Variants in ARL15 observed in about 807,000 individuals in gnomAD.
The protein encoded by ARL15 is ARF like GTPase 15.
A neutral mutation model predicts 25.2 loss-of-function variants in ARL15; 19 were observed. That is an observed-to-expected ratio of 0.75 (90% CI 0.53 to 1.10). ARL15 has a LOEUF of 1.10. Ranked by LOEUF, ARL15 falls within the 50% of genes least tolerant of loss-of-function variation. ARL15 has a pLI of 0.00. For synonymous variants in ARL15, 94 were observed against 86.8 expected (o/e 1.08, Z -0.46); for missense variants, 220 against 246.0 (o/e 0.89, Z 0.71).
chr5:54,207,524 C>T (rs376668108), intron 1 of ARL15, among the ~76,000 whole-genome samples: 18 of 152,316 alleles, frequency 1.2e-4, no homozygotes, highest in East Asian at 3.9e-4. Flanking sequence ...AGGTTGAATA[C>T]AGTCATTTAG....
intron 3 of ARL15, among the ~76,000 whole-genome samples, chr5:54,118,695 A>C (rs1752983087): frequency 6.6e-6 from 1 of 152,174 alleles, no homozygotes; most frequent in Non-Finnish European, 1.5e-5. Flanking sequence ...GGCAATCTCA[A>C]AACTAAGAGG....
chr5:53,963,594 G>A (rs1185728669), intron 4 of ARL15, among the ~76,000 whole-genome samples: 6 of 152,144 alleles, frequency 3.9e-5, no homozygotes, highest in Non-Finnish European at 1.5e-5. Context: ...CATCACCTGA[G>A]GTCAGGAGTT....
chr5:53,907,137 T>TA (rs1462982413), intron 4 of ARL15, among the ~76,000 whole-genome samples: 6 of 152,052 alleles, frequency 3.9e-5, no homozygotes, highest in Non-Finnish European at 4.4e-5. Flanking sequence ...TACAGCTTCC[T>TA]AGCAGGGGAC....
chr5:53,968,595 A>G lies in ARL15; in HGVS notation c.463-81882T>C, dbSNP rs1467448716. 3.3e-5 allele frequency among the ~76,000 whole-genome samples: 5 copies of G among 152,144 alleles called. No individual in the cohort carries two copies. In the East Asian group the frequency reaches 7.8e-4, roughly 24 times the overall value. On this transcript the variant is annotated intron_variant, in intron 4 of 4. Transcript: ENST00000504924. ...GTAAGCTGCTGTGTCCTACTCAATT[A>G]GCAGCATCCTAGTGATCTGAAGGAC...
At chr5:54,114,424 C>CAAAAAAAAAAAAAAAA (rs1378276588) in intron 3 of ARL15, among the ~76,000 whole-genome samples, 2 of 32,206 alleles carry the variant, frequency 6.2e-5, no homozygotes, top group African/African-American at 1.3e-4. Flanking sequence ...AAAAAAAAAG[C>CAAAAAAAAAAAAAAAA]AACACCACAT....
chr5:54,160,387 T>C (rs921040872), intron 2 of ARL15, among the ~76,000 whole-genome samples: 4 of 152,344 alleles, frequency 2.6e-5, no homozygotes, highest in Middle Eastern at 3.4e-3. Context: ...CCCTAGAAGA[T>C]GTTTTCAACC....
intron 4 of ARL15, among the ~76,000 whole-genome samples, chr5:53,929,185 AAT>A (rs1491006939): frequency 1.5e-5 from 2 of 135,800 alleles, no homozygotes; most frequent in African/African-American, 2.7e-5. Context: ...AAAAAAAAAA[AAT>A]ACATAAAAGC....
intron 4 of ARL15, among the ~76,000 whole-genome samples, chr5:53,932,790 G>A (rs1167650638): frequency 6.6e-6 from 1 of 152,212 alleles, no homozygotes; most frequent in Non-Finnish European, 1.5e-5. Flanking sequence ...AGCAGGCCAA[G>A]GGAATAGAGA....
intron 1 of ARL15, among the ~76,000 whole-genome samples, chr5:54,209,805 A>G (rs1282269610): frequency 6.6e-6 from 1 of 152,144 alleles, no homozygotes; most frequent in Non-Finnish European, 1.5e-5. Flanking sequence ...ATTCTTCCAG[A>G]GTGTTTGAAA....
At chr5:54,106,746 T>C (rs1393836187) in intron 4 of ARL15, among the ~76,000 whole-genome samples, 2 of 152,118 alleles carry the variant, frequency 1.3e-5, no homozygotes, top group East Asian at 3.9e-4. Context: ...CTCACAGATA[T>C]GGAGGGTTGA....
intron 4 of ARL15, among the ~76,000 whole-genome samples, chr5:54,083,999 G>A (rs1409841189): frequency 1.3e-5 from 2 of 152,138 alleles, no homozygotes; most frequent in East Asian, 3.9e-4. Context: ...TCCCCACACT[G>A]CCAGCGTTTA....
At chr5:54,016,107 C>T (rs895322079) in intron 4 of ARL15, among the ~76,000 whole-genome samples, 5 of 152,072 alleles carry the variant, frequency 3.3e-5, no homozygotes, top group South Asian at 2.1e-4. Flanking sequence ...AACTCCTTTG[C>T]GGCTACCGGT....
intron 1 of ARL15, among the ~76,000 whole-genome samples, chr5:54,188,703 T>C (rs1727529306): frequency 2.0e-5 from 3 of 152,102 alleles, no homozygotes; most frequent in South Asian, 4.1e-4. Flanking sequence ...AAACAAAGAA[T>C]GTCAGTCTTA....
At chr5:54,038,770 C>T (rs1188479475) in intron 4 of ARL15, among the ~76,000 whole-genome samples, 1 of 151,940 alleles carries the variant, frequency 6.6e-6, no homozygotes, top group Non-Finnish European at 1.5e-5. Context: ...AAGGGACAAT[C>T]AAATACTAAG....
intron 4 of ARL15, among the ~76,000 whole-genome samples, chr5:53,986,505 G>T (rs1694065): frequency 0.36 from 54,528 of 151,994 alleles, 10,645 homozygotes; most frequent in Middle Eastern, 0.47. Flanking sequence ...TCCAGACATC[G>T]GATTACACTG....
intron 3 of ARL15, among the ~76,000 whole-genome samples, chr5:54,147,607 G>A (rs950358101): frequency 6.6e-6 from 1 of 152,162 alleles, no homozygotes; most frequent in Non-Finnish European, 1.5e-5. Flanking sequence ...GCATTCTATG[G>A]ACATGGTCTT....
intron 1 of ARL15, among the ~76,000 whole-genome samples, chr5:54,174,971 C>G (rs1160765913): frequency 2.0e-5 from 3 of 152,216 alleles, no homozygotes; most frequent in South Asian, 4.1e-4. Flanking sequence ...GCCCTAGAGG[C>G]CTTCATTCTC....
chr5:54,050,885 C>G (rs1015559174), intron 4 of ARL15, among the ~76,000 whole-genome samples: 6 of 152,084 alleles, frequency 3.9e-5, no homozygotes, highest in African/African-American at 9.7e-5. Flanking sequence ...GATCCTTTCC[C>G]TATGTTAACT....
intron 1 of ARL15, chr5:54,310,194 C>G (rs989785766): frequency 2.2e-4 from 104 of 466,186 alleles, no homozygotes; most frequent in Middle Eastern, 1.7e-3. Context: ...CAGCGCGACC[C>G]TCGCCCTGCA....
Sources: allele counts gnomAD v4.1 joint callset (sites outside exome capture counted in the v4.1 genomes callset), GRCh38; gene constraint gnomAD v4.1.1; transcripts MANE v1.5; gene names NCBI Gene and HGNC (gene_info 2026-07-23, HGNC 2026-07-21).